The following ADAP1 variants were observed in gnomAD, a reference collection of about 807,000 sequenced individuals.
The protein encoded by ADAP1 is ArfGAP with dual PH domains 1.
Under a neutral mutation model 54.9 loss-of-function variants are expected in ADAP1, and 31 were observed. That is an observed-to-expected ratio of 0.56 (90% confidence interval 0.42 to 0.76). ADAP1 has a LOEUF of 0.76. Among genes scored for constraint, ADAP1 ranks in the 30% least tolerant of loss-of-function variants. The pLI, the probability that ADAP1 is intolerant of heterozygous loss-of-function variation, is 0.00. For missense variants in ADAP1, 535 were observed against 512.4 expected (o/e 1.04, Z -0.42); for synonymous variants, 313 against 202.6 (o/e 1.55, Z -4.63).
intron 1 of ADAP1, among the ~76,000 whole-genome samples, chr7:949,288 C>A (rs575034505): frequency 1.3e-5 from 2 of 152,200 alleles, no homozygotes; most frequent in Non-Finnish European, 2.9e-5. Context: ...GCCACACGGC[C>A]ACGTGCCGCC....
chr7:917,929 G>A (rs781138523), intron 4 of ADAP1, among the ~76,000 whole-genome samples: 22 of 151,950 alleles, frequency 1.4e-4, no homozygotes, highest in Non-Finnish European at 2.8e-4. Context: ...CGCCAACCAC[G>A]CCCAGCTAAT....
chr7:920,878 C>T lies in ADAP1; in HGVS notation c.306-828G>A. The stretch of plus-strand genomic sequence containing the variant: ...GCAGCCGCCCCAGCCTTTTCCACTC[C>T]CAGGGAATTACGCGGCAAAGAACAA... On this transcript the variant is annotated intron_variant, in intron 3 of 10. Coordinates refer to ENST00000265846, the MANE Select transcript of ADAP1 (RefSeq NM_006869.4). The surrounding 1 kb of genome is among the most constrained non-coding windows in gnomAD (Gnocchi z 4.5). 6.5e-7 allele frequency: 1 copy of T among 1,550,120 alleles called. No individual in the cohort carries two copies. Among genetic ancestry groups the T allele is most frequent in the South Asian group, 1.2e-5 (1 of 84,066 alleles).
At chr7:944,906 G>T (rs377066994) in intron 1 of ADAP1, among the ~76,000 whole-genome samples, 1 of 151,780 alleles carries the variant, frequency 6.6e-6, no homozygotes, top group South Asian at 2.1e-4. Context: ...AAGAGCCCGG[G>T]GGGGTGACTC....
chr7:930,217 A>C (rs1205070197), intron 2 of ADAP1, among the ~76,000 whole-genome samples: 1 of 151,494 alleles, frequency 6.6e-6, no homozygotes, highest in East Asian at 1.9e-4. Flanking sequence ...TCGAAGTAAA[A>C]ATTTCCACGG....
rs748582543 is a variant in ADAP1, at chr7:905,131, C to G, written c.430G>C (p.Gly144Arg). Residue 144 changes from glycine (G) to arginine (R), a missense_variant, in exon 5 of 11, where the codon GGG (glycine) becomes CGG (arginine). Coordinates refer to ENST00000265846, the MANE Select transcript of ADAP1 (RefSeq NM_006869.4). ...ACAAACTTCCGGCTCAAAAACTGCC[C>G]GTTGTCCCGGCCACGCTTCCAGAGA... ...GFLWKRGRDNGQFLSRKFVLT... is the reference protein window; with the variant it reads ...GFLWKRGRDNRQFLSRKFVLT... 1 of 1,612,414 alleles carries G rather than the reference C, an allele frequency of 6.2e-7. No homozygotes were observed. Among genetic ancestry groups the G allele is most frequent in the Non-Finnish European group, 8.5e-7 (1 of 1,179,894 alleles).
chr7:916,230 C>T (rs563282558), intron 4 of ADAP1, among the ~76,000 whole-genome samples: 64 of 152,302 alleles, frequency 4.2e-4, no homozygotes, highest in African/African-American at 1.4e-3. Flanking sequence ...AGGAGGTGGC[C>T]ACCAGGAGGA....
At chr7:923,796 T>A (rs1846272838) in intron 3 of ADAP1, among the ~76,000 whole-genome samples, 1 of 152,164 alleles carries the variant, frequency 6.6e-6, no homozygotes, top group Non-Finnish European at 1.5e-5. Flanking sequence ...CGGACATCTG[T>A]GCAGCAGAGC....
chr7:903,323 C>G (rs1326463194), intron 6 of ADAP1, among the ~76,000 whole-genome samples: 1 of 152,132 alleles, frequency 6.6e-6, no homozygotes, highest in African/African-American at 2.4e-5. Flanking sequence ...ATGGAAAGAG[C>G]TGGAACCTCT....
intron 4 of ADAP1, chr7:905,567 A>AGAAAGGAGAAAGG (rs1845169769): frequency 7.1e-4 from 7 of 9,876 alleles, no homozygotes; most frequent in Admixed American, 3.1e-3. Context: ...AGGAGAAAGG[A>AGAAAGGAGAAAGG]GAAAGGAGAA....
intron 4 of ADAP1, chr7:905,561 G>A (rs1716267263): frequency 3.7e-5 from 1 of 27,336 alleles, no homozygotes; most frequent in Non-Finnish European, 7.2e-5. Flanking sequence ...GGAGAAAGGA[G>A]AAAGGAGAAA....
At chr7:940,101 A>T (rs1291045224) in intron 1 of ADAP1, among the ~76,000 whole-genome samples, 1 of 152,140 alleles carries the variant, frequency 6.6e-6, no homozygotes, top group Non-Finnish European at 1.5e-5. Flanking sequence ...GTGTGTGAGC[A>T]TATACATACG....
intron 4 of ADAP1, among the ~76,000 whole-genome samples, chr7:915,842 C>T (rs1845911982): frequency 6.6e-6 from 1 of 152,034 alleles, no homozygotes; most frequent in Non-Finnish European, 1.5e-5. Flanking sequence ...CTGCCACCCG[C>T]CTGCAGAACC....
At chr7:914,183 G>A (rs1007527013) in intron 4 of ADAP1, among the ~76,000 whole-genome samples, 11 of 152,230 alleles carry the variant, frequency 7.2e-5, no homozygotes, top group Non-Finnish European at 1.3e-4. Context: ...TTCCAGGGCA[G>A]ACCTGCAGCC....
chr7:899,730 G>T (rs1844691454), intron 8 of ADAP1, among the ~76,000 whole-genome samples: 1 of 152,062 alleles, frequency 6.6e-6, no homozygotes, highest in African/African-American at 2.4e-5. Context: ...CCCAGATGGG[G>T]GCCCAGGCCT....
intron 4 of ADAP1, among the ~76,000 whole-genome samples, chr7:918,532 C>A (rs183331849): frequency 9.8e-5 from 15 of 152,324 alleles, no homozygotes; most frequent in Middle Eastern, 6.8e-3. Flanking sequence ...CCAGGGCAGC[C>A]TCTCTCTTAC....
At chr7:922,112 G>A (rs1368260911) in intron 3 of ADAP1, among the ~76,000 whole-genome samples, 1 of 152,168 alleles carries the variant, frequency 6.6e-6, no homozygotes, top group Non-Finnish European at 1.5e-5. Context: ...AGTACTGCCC[G>A]GAGCCCTCCC....
At chr7:925,941 G>A (rs1246783119) in intron 3 of ADAP1, among the ~76,000 whole-genome samples, 2 of 152,210 alleles carry the variant, frequency 1.3e-5, no homozygotes, top group Non-Finnish European at 2.9e-5. Context: ...CCCTGTGACA[G>A]GTACGAGGGG....
chr7:954,217 C>T (rs1394433728), intron 1 of ADAP1, among the ~76,000 whole-genome samples, 179 bp downstream of exon 1: 1 of 151,548 alleles, frequency 6.6e-6, no homozygotes, highest in Non-Finnish European at 1.5e-5. Flanking sequence ...TCCGGGTCCC[C>T]GCAGGTGCAG....
chr7:922,271 G>A (rs1846217750), intron 3 of ADAP1, among the ~76,000 whole-genome samples: 1 of 152,168 alleles, frequency 6.6e-6, no homozygotes, highest in Non-Finnish European at 1.5e-5. Context: ...CCAAGTTCCA[G>A]GGCTCAGGGG....
Sources: allele counts gnomAD v4.1 joint callset (sites outside exome capture counted in the v4.1 genomes callset), GRCh38; gene constraint gnomAD v4.1.1; non-coding constraint Gnocchi (gnomAD v3.1); transcripts MANE v1.5; gene names NCBI Gene and HGNC (gene_info 2026-07-23, HGNC 2026-07-21).